Variants in RELB observed in about 807,000 individuals in gnomAD.
RELB encodes RELB proto-oncogene, NF-kB subunit.
Under a neutral mutation model 55.4 loss-of-function variants are expected in RELB, and 14 were observed. That is an observed-to-expected ratio of 0.25 (90% confidence interval 0.17 to 0.40). The LOEUF (loss-of-function observed/expected upper bound fraction) is 0.40, where lower values mean the gene tolerates loss of function less well. Ranked by LOEUF, RELB falls within the 10% of genes least tolerant of loss-of-function variation. The pLI is 1.00. For missense variants in RELB, 669 were observed against 830.7 expected, an observed-to-expected ratio of 0.81 and a Z score of 2.39; for synonymous variants, 409 against 371.3, an observed-to-expected ratio of 1.10 and a Z score of -1.17.
At chr19:45,008,655 G>A (rs1043675073) in intron 2 of RELB, 16 of 407,214 alleles carry the variant, frequency 3.9e-5, no homozygotes, top group African/African-American at 2.7e-4. Context: ...CCTTTCAAGG[G>A]GCAAAGGTCT....
chr19:45,012,335 C>T (rs931291464), intron 4 of RELB, 59 bp downstream of exon 4: 159 of 1,073,180 alleles, frequency 1.5e-4, no homozygotes, highest in Non-Finnish European at 1.9e-4. Context: ...CACCCCGGAG[C>T]CATCCACATG....
chr19:45,031,000 G>A (rs1201558888), intron 8 of RELB, among the ~76,000 whole-genome samples: 1 of 152,088 alleles, frequency 6.6e-6, no homozygotes, highest in Non-Finnish European at 1.5e-5. Flanking sequence ...GTACCTAATA[G>A]TACCTTCTTC....
At chr19:45,015,823 C>T (rs1971415016) in intron 4 of RELB, among the ~76,000 whole-genome samples, 1 of 151,656 alleles carries the variant, frequency 6.6e-6, no homozygotes, top group Non-Finnish European at 1.5e-5. Flanking sequence ...GCTTTCAGCC[C>T]TGGAGTCTGC....
intron 7 of RELB, among the ~76,000 whole-genome samples, chr19:45,027,423 G>A (rs540021993): frequency 2.6e-5 from 4 of 152,162 alleles, no homozygotes; most frequent in African/African-American, 9.6e-5. Flanking sequence ...CTTCCTCCAT[G>A]TTAGAATCCA....
intron 4 of RELB, among the ~76,000 whole-genome samples, chr19:45,016,204 C>T (rs1314120410): frequency 4.6e-5 from 7 of 151,956 alleles, no homozygotes; most frequent in Admixed American, 3.3e-4. Flanking sequence ...AGGCTGGTCT[C>T]GAACTCCTGA....
intron 4 of RELB, among the ~76,000 whole-genome samples, chr19:45,019,526 T>C (rs1971458956): frequency 1.3e-5 from 2 of 152,198 alleles, no homozygotes; most frequent in Non-Finnish European, 2.9e-5. Context: ...AATCATGTAA[T>C]ATACAGTCCA....
In RELB at chr19:45,034,489, C is replaced by A; in HGVS notation, c.1315C>A (p.Pro439Thr). ...CGAGAGCAAACGGCGGAAGAAAAAG[C>A]CGGCCATCCTGGACCACTTCCTGCC... ...GIESKRRKKK[P>T]AILDHFLPNH... Residue 439 changes from proline to threonine, a missense_variant, in exon 11 of 12, where the codon CCG becomes ACG. Transcript: ENST00000221452. The A allele has an allele frequency of 6.2e-7, 1 of 1,610,244 alleles. No individual in the cohort carries two copies. Among genetic ancestry groups the A allele is most frequent in the Non-Finnish European group, 8.5e-7 (1 of 1,178,274 alleles).
chr19:45,037,538 C>A lies in RELB; in HGVS notation c.1488C>A (p.Pro496=), dbSNP rs1568406772. The A allele has an allele frequency of 1.2e-6, 2 of 1,613,440 alleles. No homozygotes were observed. The highest frequency in any genetic ancestry group is 3.3e-5 in the Admixed American group (2 of 59,986). ...GCTTTGCCTACGACCCTACGGCCCC[C>A]ACACTCTTCACCATGCTGGACCTGC... The part of the protein sequence containing the change: ...DDGFAYDPTA[P]TLFTMLDLLP... The change falls in exon 12 of 12, where the codon CCC becomes CCA. Residue 496 remains proline (P), a synonymous_variant. Coordinates refer to ENST00000221452, the MANE Select transcript of RELB (RefSeq NM_006509.4).
At position 45,034,300 on chromosome 19, in the gene RELB, C is replaced by G; in HGVS notation, c.1264C>G (p.Leu422Val). The G allele has an allele frequency of 6.2e-7, 1 of 1,613,934 alleles. No individual in the cohort carries two copies. The highest frequency in any genetic ancestry group is 8.5e-7 in the Non-Finnish European group (1 of 1,179,796). ...KRGMPDVLGE[L>V]NSSDPHGIES... The stretch of plus-strand genomic sequence containing the variant: ...GGGGATGCCCGACGTCCTTGGGGAG[C>G]TGAACAGCTCTGGTGTGTGCCCTCT... The change falls in exon 10 of 12, where the codon CTG becomes GTG. Residue 422 changes from leucine (L) to valine (V), a missense_variant. This residue lies in a region of RELB where 341 missense variants were observed against 436.8 expected (regional missense o/e 0.78). Transcript: ENST00000221452.
intron 4 of RELB, among the ~76,000 whole-genome samples, chr19:45,019,380 G>A (rs1971457335): frequency 6.6e-6 from 1 of 151,918 alleles, no homozygotes; most frequent in African/African-American, 2.4e-5. Context: ...TTGTTTTTTT[G>A]ATGACTCATT....
rs2122489219 is a variant in RELB, at chr19:45,032,446, T to A, written c.992-88T>A. On this transcript the variant is annotated intron_variant, in intron 8 of 11. Coordinates refer to ENST00000221452, the MANE Select transcript of RELB (RefSeq NM_006509.4). ...AAAAAATTTTAAAAAGGGGGAATAT[T>A]AGTCTTGATTTTAGGGGAGGCTGGG... The A allele has an allele frequency of 3.7e-6, 4 of 1,091,552 alleles. No homozygotes were observed. The East Asian group carries it at 1.0e-4, about 28-fold the overall frequency. The allele number at this position is 1,091,552 out of a possible 1,614,324, so 67.6% of individuals were successfully genotyped here.
rs1025222998 is a variant in RELB, at chr19:45,027,383, A to G, written c.887-1505A>G. ...TCCAGGGCCTCAGTGATGTCATTAG[A>G]TATCTGTCTCTTTCTGTCTCTCAGC... On this transcript the variant is annotated intron_variant, in intron 7 of 11. Transcript: ENST00000221452. 7.9e-5 allele frequency among the ~76,000 whole-genome samples: 12 copies of G among 152,020 alleles called. 1 individual carries two copies. Among genetic ancestry groups the G allele is most frequent in the African/African-American group, 2.7e-4 (11 of 41,414 alleles).
intron 7 of RELB, among the ~76,000 whole-genome samples, chr19:45,027,472 C>T (rs908194951): frequency 6.6e-6 from 1 of 152,068 alleles, no homozygotes; most frequent in Non-Finnish European, 1.5e-5. Flanking sequence ...TCCCCGACTC[C>T]CAAAGCTGCT....
At chr19:45,021,128 C>T (rs1013428645) in intron 4 of RELB, among the ~76,000 whole-genome samples, 18 of 151,216 alleles carry the variant, frequency 1.2e-4, no homozygotes, top group Non-Finnish European at 2.9e-5. Context: ...GAGCTGAGAT[C>T]TCCCGCCACC....
At chr19:45,032,400 C>T in intron 8 of RELB, 134 bp from the exon 9 acceptor site, 2 of 673,412 alleles carry the variant, frequency 3.0e-6, no homozygotes. Flanking sequence ...GCCTGGGCAA[C>T]AGAGCAAGAC....
In RELB at chr19:45,002,910, C is replaced by A. The variant is rs760754176; in HGVS notation, c.107-39C>A. On this transcript the variant is annotated intron_variant, in intron 1 of 11. Transcript: ENST00000221452. ...GGGATATTCTCTGGTCCTCTGGCTG[C>A]CCCCCATCACCTCCTGAGACGTTTC... 4.4e-6 allele frequency: 7 copies of A among 1,579,218 alleles called. No homozygotes were observed. In the Admixed American group the frequency reaches 6.7e-5, roughly 15 times the overall value.
chr19:45,023,330 T>C (rs1232333851), intron 5 of RELB, among the ~76,000 whole-genome samples: 1 of 152,188 alleles, frequency 6.6e-6, no homozygotes, highest in Admixed American at 6.6e-5. Context: ...ATTTTGATTT[T>C]TGCTATTTTG....
Position 45,012,131 on chromosome 19 carries a change from G to T in RELB, c.359G>T (p.Gly120Val), listed in dbSNP as rs1419288354. The change falls in exon 4 of 12, where the codon GGC (glycine) becomes GTC (valine). Residue 120 changes from glycine to valine, a missense_variant. Physicochemically the swap from Gly to Val is moderately radical, Grantham distance 109. Coordinates refer to ENST00000221452, the MANE Select transcript of RELB (RefSeq NM_006509.4). ...PLGRLVSPAP[G>V]PGPQPHLVIT... The stretch of plus-strand genomic sequence containing the variant: ...GGCCGACTAGTGTCCCCAGCGCCGG[G>T]CCCGGGCCCGCAGCCGCACCTGGTC... 6.4e-7 allele frequency: 1 copy of T among 1,556,844 alleles called. No homozygotes were observed. The highest frequency in any genetic ancestry group is 8.6e-7 in the Non-Finnish European group (1 of 1,160,542).
In RELB at chr19:45,037,461, G is replaced by A. The variant is rs1971703619; in HGVS notation, c.1411G>A (p.Val471Met). 12 of 1,608,146 alleles carry A rather than the reference G, an allele frequency of 7.5e-6. No homozygotes were observed. Among genetic ancestry groups the A allele is most frequent in the Non-Finnish European group, 9.3e-6 (11 of 1,178,896 alleles). ...LPDPDFFSGT[V>M]SLPGLEPPGG... ...AGACCCTGACTTCTTCTCTGGCACCGTGTCCCTGCCCGGCCTGGAGCCCCC... is the reference window on the plus strand; with the variant it reads ...AGACCCTGACTTCTTCTCTGGCACCATGTCCCTGCCCGGCCTGGAGCCCCC... Residue 471 changes from valine (V) to methionine (M), a missense_variant, in exon 12 of 12, where the codon GTG becomes ATG. Coordinates refer to ENST00000221452, the MANE Select transcript of RELB (RefSeq NM_006509.4).
Sources: gnomAD v4.1 joint callset for allele counts (sites outside exome capture counted in the v4.1 genomes callset) on GRCh38, gnomAD v4.1.1 for gene constraint, gnomAD v4.1.1 regional missense constraint, MANE v1.5 for transcripts, NCBI Gene and HGNC (gene_info 2026-07-23, HGNC 2026-07-21) for gene names.